The following ERCC6L2 variants were observed in gnomAD, a reference collection of about 807,000 sequenced individuals.
ERCC6L2 encodes the protein ERCC excision repair 6 like 2, also known as DNA excision repair protein ERCC-6-like 2.
ERCC6L2 carries 77 observed loss-of-function variants against 132.0 expected under a neutral mutation model. The observed-to-expected ratio is 0.58, with a 90% CI of 0.49 to 0.71. ERCC6L2 has a LOEUF of 0.71. ERCC6L2 is among the 30% of genes least tolerant of loss of function. The pLI, the probability that ERCC6L2 is intolerant of heterozygous loss-of-function variation, is 0.00. For synonymous variants in ERCC6L2, 583 were observed against 632.4 expected (o/e 0.92, Z 1.17); for missense variants, 1,542 against 1,837.6 (o/e 0.84, Z 2.94).
chr9:96,026,758 C>G (rs1305749403), intron 19 of ERCC6L2, among the ~76,000 whole-genome samples: 1 of 141,440 alleles, frequency 7.1e-6, no homozygotes, highest in South Asian at 2.3e-4. Flanking sequence ...CCCACACACA[C>G]TACAAACACA....
At chr9:96,030,174 A>ATCAGCACCCTGTAAAATGGATCAG (rs1424134872) in intron 19 of ERCC6L2, among the ~76,000 whole-genome samples, 1 of 151,890 alleles carries the variant, frequency 6.6e-6, no homozygotes, top group Non-Finnish European at 1.5e-5. Flanking sequence ...AAATGGACCA[A>ATCAGCACCCTGTAAAATGGATCAG]TCAGCACCCT....
chr9:96,031,623 G>A (rs1433132928), intron 19 of ERCC6L2, among the ~76,000 whole-genome samples: 1 of 152,258 alleles, frequency 6.6e-6, no homozygotes, highest in Non-Finnish European at 1.5e-5. Context: ...CCAGGATCCA[G>A]GGGCTGGGGT....
intron 13 of ERCC6L2, among the ~76,000 whole-genome samples, chr9:95,959,893 G>A (rs1231594602): frequency 6.6e-6 from 1 of 152,002 alleles, no homozygotes; most frequent in Non-Finnish European, 1.5e-5. Context: ...CTCAGAAGAC[G>A]ACTACTGAAA....
intron 2 of ERCC6L2, among the ~76,000 whole-genome samples, chr9:95,881,572 C>T (rs533945363): frequency 1.3e-5 from 2 of 152,274 alleles, no homozygotes; most frequent in African/African-American, 4.8e-5. Context: ...ACTAAGATAT[C>T]AATATATTTG....
chr9:95,993,577 A>G (rs961096491), intron 17 of ERCC6L2, among the ~76,000 whole-genome samples: 1 of 152,198 alleles, frequency 6.6e-6, no homozygotes, highest in Non-Finnish European at 1.5e-5. Context: ...GGTTTCTTGA[A>G]CAATGAGTCA....
intron 17 of ERCC6L2, among the ~76,000 whole-genome samples, chr9:95,997,560 A>G (rs558079551): frequency 3.3e-5 from 5 of 152,384 alleles, no homozygotes; most frequent in Admixed American, 6.5e-5. Context: ...GGCATAATGT[A>G]TGCACACCTA....
chr9:95,992,389 A>T (rs1833333572), intron 17 of ERCC6L2, among the ~76,000 whole-genome samples: 1 of 152,214 alleles, frequency 6.6e-6, no homozygotes, highest in African/African-American at 2.4e-5. Flanking sequence ...TTAGACCCAT[A>T]TGAAAACAGT....
At chr9:95,979,331 G>A (rs1277314414) in intron 17 of ERCC6L2, among the ~76,000 whole-genome samples, 1 of 152,072 alleles carries the variant, frequency 6.6e-6, no homozygotes, top group East Asian at 1.9e-4. Flanking sequence ...TGGGTTGAGG[G>A]GGCCAATGGG....
At chr9:96,004,093 A>G (rs551569547) in intron 17 of ERCC6L2, among the ~76,000 whole-genome samples, 1 of 152,348 alleles carries the variant, frequency 6.6e-6, no homozygotes, top group Admixed American at 6.5e-5. Context: ...TTACATAAAG[A>G]TTGGTATTTT....
chr9:95,916,399 C>CT lies in ERCC6L2; in HGVS notation c.1125dup (p.Ile376TyrfsTer7), dbSNP rs1564220573. On this transcript the variant is annotated frameshift_variant, in exon 6 of 19. Transcript: ENST00000653738. LOFTEE classifies it high-confidence loss of function. ...CTGGTTTCTCAGGCGCACCAAGACTCTTATCAAGGATCAGTTGCCTAAGAA... is the reference window on the plus strand; with the variant it reads ...CTGGTTTCTCAGGCGCACCAAGACTCTTTATCAAGGATCAGTTGCCTAAGAA... The CT allele has an allele frequency of 1.3e-6, 2 of 1,592,016 alleles. No homozygotes were observed. Among genetic ancestry groups the CT allele is most frequent in the Non-Finnish European group, 8.5e-7 (1 of 1,173,064 alleles).
intron 2 of ERCC6L2, among the ~76,000 whole-genome samples, chr9:95,893,385 G>T (rs531128362): frequency 6.7e-4 from 102 of 152,222 alleles, no homozygotes; most frequent in Non-Finnish European, 1.2e-3. Flanking sequence ...GCTTCTATAT[G>T]AGTAAGATAA....
chr9:95,982,353 A>G (rs780104085), intron 17 of ERCC6L2, among the ~76,000 whole-genome samples: 1 of 152,088 alleles, frequency 6.6e-6, no homozygotes, highest in Non-Finnish European at 1.5e-5. Flanking sequence ...AGATTACTTA[A>G]AGGATTTCTG....
downstream of ERCC6L2, among the ~76,000 whole-genome samples, chr9:96,018,709 A>G (rs913377571): frequency 2.6e-5 from 4 of 151,708 alleles, no homozygotes; most frequent in African/African-American, 9.7e-5. Context: ...GGACTCAAGC[A>G]ATCTGCCTGC....
Position 96,015,550 on chromosome 9 carries a change from C to T in ERCC6L2, c.*2347C>T, listed in dbSNP as rs1219655687. Among the ~76,000 whole-genome samples the T allele has an allele frequency of 1.3e-5, 2 of 151,350 alleles. No homozygotes were observed. The highest frequency in any genetic ancestry group is 2.9e-5 in the Non-Finnish European group (2 of 67,856). ...GTGGCTCACGCCTGTAATCCCAGCACTTTGGGAGGCCGAGGCAGGCGGATC... is the reference window on the plus strand; with the variant it reads ...GTGGCTCACGCCTGTAATCCCAGCATTTTGGGAGGCCGAGGCAGGCGGATC... On this transcript the variant is annotated 3_prime_UTR_variant, in exon 19 of 19. Transcript: ENST00000653738.
At chr9:96,001,583 G>A (rs1833681191) in intron 17 of ERCC6L2, among the ~76,000 whole-genome samples, 1 of 152,218 alleles carries the variant, frequency 6.6e-6, no homozygotes, top group Non-Finnish European at 1.5e-5. Flanking sequence ...GCCAATTGGT[G>A]TATTTACAAT....
chr9:95,983,110 C>G (rs775998181), intron 17 of ERCC6L2, among the ~76,000 whole-genome samples: 2 of 152,170 alleles, frequency 1.3e-5, no homozygotes, highest in African/African-American at 4.8e-5. Flanking sequence ...GTAAATAAGT[C>G]TCTACAGTAG....
chr9:96,008,103 C>T (rs2133213080), intron 18 of ERCC6L2, among the ~76,000 whole-genome samples: 1 of 152,288 alleles, frequency 6.6e-6, no homozygotes, highest in African/African-American at 2.4e-5. Context: ...GCAGAGTGTG[C>T]CTTTTCACTT....
intron 12 of ERCC6L2, among the ~76,000 whole-genome samples, chr9:95,945,382 T>G (rs1831010360): frequency 6.6e-6 from 1 of 152,236 alleles, no homozygotes; most frequent in Non-Finnish European, 1.5e-5. Flanking sequence ...TGCCCAGATT[T>G]CATATTGTTT....
chr9:96,036,357 T>C (rs969386015), intron 19 of ERCC6L2, among the ~76,000 whole-genome samples: 3 of 152,250 alleles, frequency 2.0e-5, no homozygotes, highest in African/African-American at 7.2e-5. Context: ...ATCCATGTCA[T>C]AGCATATTTT....
Sources: allele counts gnomAD v4.1 joint callset (sites outside exome capture counted in the v4.1 genomes callset), GRCh38; gene constraint gnomAD v4.1.1; transcripts MANE v1.5; gene names NCBI Gene and HGNC (gene_info 2026-07-23, HGNC 2026-07-21).